Variants in CFAP299 observed in about 807,000 individuals in gnomAD.
The protein encoded by CFAP299 is cilia- and flagella-associated protein 299.
Under a neutral mutation model 27.0 loss-of-function variants are expected in CFAP299, and 21 were observed. The ratio of observed to expected loss-of-function variants is 0.78; its 90% CI spans 0.55 to 1.12. The LOEUF (loss-of-function observed/expected upper bound fraction) is 1.12, where lower values mean the gene tolerates loss of function less well. Ranked by LOEUF, CFAP299 falls within the 50% of genes most tolerant of loss-of-function variation. The pLI is 0.00. For missense variants in CFAP299, 310 were observed against 276.6 expected, an observed-to-expected ratio of 1.12 and a Z score of -0.86; for synonymous variants, 104 against 98.1, an observed-to-expected ratio of 1.06 and a Z score of -0.36.
intron 4 of CFAP299, chr4:80,872,326 A>C (rs2110169632): frequency 6.6e-6 from 1 of 152,216 alleles, no homozygotes; most frequent in East Asian, 1.9e-4. Flanking sequence ...TCTATTATTG[A>C]AAGCTACCTA....
intron 3 of CFAP299, chr4:80,608,358 C>T (rs1365330426): frequency 2.0e-6 from 3 of 1,531,478 alleles, no homozygotes; most frequent in East Asian, 2.4e-5. Context: ...ACTGATGCTG[C>T]TCATATCTTG....
chr4:80,887,870 C>T (rs900843972), intron 4 of CFAP299, among the ~76,000 whole-genome samples: 2 of 151,804 alleles, frequency 1.3e-5, no homozygotes, highest in Non-Finnish European at 2.9e-5. Context: ...TTTCTTTTTG[C>T]CTGTTTGTAT....
chr4:80,542,537 C>G (rs143867144), intron 2 of CFAP299, among the ~76,000 whole-genome samples: 1 of 152,136 alleles, frequency 6.6e-6, no homozygotes, highest in East Asian at 1.9e-4. Flanking sequence ...CCCTGAACAA[C>G]TCCTGTGGAA....
Position 80,696,344 on chromosome 4 carries a change from G to T in CFAP299, c.333+113161G>T, listed in dbSNP as rs188171215. ...GAATTTAATCCACCATGCCTTAACT[G>T]TACTAATTTTAAATGAGTCATTTGT... On this transcript the variant is annotated intron_variant, in intron 3 of 5. Coordinates refer to ENST00000358105, the MANE Select transcript of CFAP299 (RefSeq NM_152770.3). Among the ~76,000 whole-genome samples the T allele has an allele frequency of 1.1e-3, 160 of 151,170 alleles. 1 individual carries two copies. The highest frequency in any genetic ancestry group is 1.2e-3 in the Non-Finnish European group (82 of 67,866).
At chr4:80,811,866 G>C (rs777482202) in intron 3 of CFAP299, among the ~76,000 whole-genome samples, 1 of 151,976 alleles carries the variant, frequency 6.6e-6, no homozygotes, top group African/African-American at 2.4e-5. Flanking sequence ...AAAATTTGGA[G>C]AGACAAGGAA....
At chr4:80,752,243 A>G (rs1027050447) in intron 3 of CFAP299, among the ~76,000 whole-genome samples, 1 of 151,828 alleles carries the variant, frequency 6.6e-6, no homozygotes, top group Non-Finnish European at 1.5e-5. Flanking sequence ...AATCAGTCCC[A>G]ATGCAAGAAC....
At chr4:80,352,237 A>G (rs1261291345) in intron 1 of CFAP299, among the ~76,000 whole-genome samples, 2 of 152,228 alleles carry the variant, frequency 1.3e-5, no homozygotes, top group African/African-American at 4.8e-5. Context: ...TGATAGAACC[A>G]GAAGTTAGAA....
In CFAP299 at chr4:80,572,037, T is replaced by C. The variant is rs75325674; in HGVS notation, c.243-11056T>C. Among the ~76,000 whole-genome samples, 337 of 152,264 alleles carry C rather than the reference T, an allele frequency of 2.2e-3. 1 individual carries two copies. The highest frequency in any genetic ancestry group is 7.6e-3 in the African/African-American group (316 of 41,566). On this transcript the variant is annotated intron_variant, in intron 2 of 5. Transcript: ENST00000358105. ...AAACATCTTTAATGTTCTTTTATTC[T>C]TTTTTCTTTTTAATGTTTGTGGGTA...
At chr4:80,844,598 GTTGT>G (rs776486458) in intron 3 of CFAP299, among the ~76,000 whole-genome samples, 38 of 151,600 alleles carry the variant, frequency 2.5e-4, no homozygotes, top group Admixed American at 7.2e-4. Flanking sequence ...TTTTGATGGG[GTTGT>G]TTGTTTTTTT....
chr4:80,790,487 C>A (rs907136369), intron 3 of CFAP299: 1 of 151,822 alleles, frequency 6.6e-6, no homozygotes, highest in East Asian at 1.9e-4. Context: ...AGGTGAGGGC[C>A]TTTGAAGGAC....
chr4:80,674,567 G>A (rs566602211), intron 3 of CFAP299, among the ~76,000 whole-genome samples: 16 of 152,198 alleles, frequency 1.1e-4, no homozygotes, highest in South Asian at 2.1e-4. Flanking sequence ...GAATGTTGGC[G>A]TGCCTTGCTA....
intron 4 of CFAP299, among the ~76,000 whole-genome samples, chr4:80,874,518 A>T (rs893834799): frequency 1.3e-5 from 2 of 152,194 alleles, no homozygotes; most frequent in Non-Finnish European, 2.9e-5. Flanking sequence ...TTTATTTATC[A>T]TGGTTTTGGA....
intron 4 of CFAP299, among the ~76,000 whole-genome samples, chr4:80,912,552 G>A (rs1471247348): frequency 1.3e-5 from 2 of 152,204 alleles, no homozygotes; most frequent in African/African-American, 4.8e-5. Flanking sequence ...GACTGCAAAA[G>A]GGGTAGGGTG....
At chr4:80,443,145 C>A (rs1165343119) in intron 2 of CFAP299, among the ~76,000 whole-genome samples, 1 of 152,116 alleles carries the variant, frequency 6.6e-6, no homozygotes, top group African/African-American at 2.4e-5. Flanking sequence ...GAAACTATTC[C>A]AAACAATAGA....
chr4:80,712,471 T>C (rs182838321), intron 3 of CFAP299, among the ~76,000 whole-genome samples: 5 of 152,320 alleles, frequency 3.3e-5, no homozygotes, highest in African/African-American at 1.2e-4. Flanking sequence ...TGGCTTAATT[T>C]CTTAGCTACT....
intron 2 of CFAP299, among the ~76,000 whole-genome samples, chr4:80,445,919 T>C (rs1728594362): frequency 6.6e-6 from 1 of 152,170 alleles, no homozygotes; most frequent in Non-Finnish European, 1.5e-5. Context: ...ATGCTAAAGA[T>C]GTGTGTATGT....
chr4:80,427,884 A>T (rs1183339516), intron 2 of CFAP299, among the ~76,000 whole-genome samples: 1 of 152,112 alleles, frequency 6.6e-6, no homozygotes, highest in African/African-American at 2.4e-5. Flanking sequence ...ATTGCTTCAG[A>T]TTTTTGATAT....
At chr4:80,490,890 A>C (rs1578507577) in intron 2 of CFAP299, among the ~76,000 whole-genome samples, 1 of 152,088 alleles carries the variant, frequency 6.6e-6, no homozygotes, top group Non-Finnish European at 1.5e-5. Context: ...TTATTGTATA[A>C]ATTTTGATTT....
intron 4 of CFAP299, among the ~76,000 whole-genome samples, chr4:80,887,352 C>T (rs1734022099): frequency 6.6e-6 from 1 of 152,036 alleles, no homozygotes; most frequent in Non-Finnish European, 1.5e-5. Flanking sequence ...AAACAAACAA[C>T]ATACAATGGA....
Sources: gnomAD v4.1 joint callset for allele counts (sites outside exome capture counted in the v4.1 genomes callset) on GRCh38, gnomAD v4.1.1 for gene constraint, MANE v1.5 for transcripts, NCBI Gene and HGNC (gene_info 2026-07-23, HGNC 2026-07-21) for gene names.